The following AGBL1 variants were observed in gnomAD, a reference collection of about 807,000 sequenced individuals.
The protein encoded by AGBL1 is AGBL carboxypeptidase 1, also known as cytosolic carboxypeptidase 4.
A neutral mutation model predicts 118.9 loss-of-function variants in AGBL1; 130 were observed. That is an observed-to-expected ratio of 1.09 (90% CI 0.95 to 1.26). The LOEUF is 1.26. AGBL1 is among the 50% of genes most tolerant of loss of function. The probability of loss-of-function intolerance (pLI) is 0.00; values close to 1 mark genes in which losing one functional copy is unlikely to be tolerated. For synonymous variants in AGBL1, 555 were observed against 478.9 expected (o/e 1.16, Z -2.08); for missense variants, 1,584 against 1,298.1 (o/e 1.22, Z -3.38).
At chr15:86,082,561 G>A (rs1895356534) in intron 1 of AGBL1, among the ~76,000 whole-genome samples, 1 of 152,224 alleles carries the variant, frequency 6.6e-6, no homozygotes, top group Admixed American at 6.5e-5. Context: ...CCTGTGCTAT[G>A]TTTGTGGATG....
At chr15:86,825,887 GGATAGATAGATAGATAGATAGATAGATA>G (rs61494287) in intron 22 of AGBL1, among the ~76,000 whole-genome samples, 6 of 144,152 alleles carry the variant, frequency 4.2e-5, no homozygotes, top group African/African-American at 7.8e-5. Flanking sequence ...ATAGATGGAT[GGATAGATAGATAGATAGATAGATAGATA>G]GATAGATAGA....
chr15:86,523,470 G>A (rs895803187), intron 19 of AGBL1, among the ~76,000 whole-genome samples: 3 of 152,140 alleles, frequency 2.0e-5, no homozygotes, highest in African/African-American at 7.2e-5. Context: ...ACATTCACAA[G>A]TACCAGGGAT....
At chr15:86,989,195 C>T (rs192908750) in intron 24 of AGBL1, among the ~76,000 whole-genome samples, 75 of 151,952 alleles carry the variant, frequency 4.9e-4, no homozygotes, top group Middle Eastern at 3.4e-3. Flanking sequence ...GAGATAGGGT[C>T]TCACTATGTT....
intron 1 of AGBL1, among the ~76,000 whole-genome samples, chr15:86,119,456 A>C: frequency 6.6e-6 from 1 of 152,026 alleles, no homozygotes; most frequent in East Asian, 1.9e-4. Context: ...TGCTGAGTTC[A>C]GCAGGACACA....
chr15:87,008,380 G>C (rs2701410), intron 24 of AGBL1, among the ~76,000 whole-genome samples: 94,971 of 152,004 alleles, frequency 0.62, 30,238 homozygotes, highest in South Asian at 0.75. Context: ...TTAATTGCCA[G>C]CATCCATGTA....
intron 18 of AGBL1, among the ~76,000 whole-genome samples, chr15:86,494,219 T>A (rs2082818928): frequency 6.6e-6 from 1 of 152,106 alleles, no homozygotes; most frequent in African/African-American, 2.4e-5. Flanking sequence ...GTGGTTAATA[T>A]GAGGCATGGT....
chr15:86,306,780 C>A (rs1388369868), intron 17 of AGBL1, among the ~76,000 whole-genome samples: 1 of 152,112 alleles, frequency 6.6e-6, no homozygotes, highest in East Asian at 1.9e-4. Flanking sequence ...TACATTCCCA[C>A]AACAGTGTGC....
At chr15:86,228,640 C>T (rs1015175667) in intron 6 of AGBL1, among the ~76,000 whole-genome samples, 1 of 152,180 alleles carries the variant, frequency 6.6e-6, no homozygotes, top group African/African-American at 2.4e-5. Flanking sequence ...GACTTGGAGT[C>T]TACCCACAGT....
chr15:87,027,722 G>A, intron 24 of AGBL1, among the ~76,000 whole-genome samples: 1 of 152,006 alleles, frequency 6.6e-6, no homozygotes, highest in East Asian at 1.9e-4. Flanking sequence ...AGGAGATTAT[G>A]TCATTTGCAG....
chr15:86,103,053 A>G (rs1896829444), intron 1 of AGBL1, among the ~76,000 whole-genome samples: 1 of 151,946 alleles, frequency 6.6e-6, no homozygotes, highest in African/African-American at 2.4e-5. Context: ...ACCTGTTTTC[A>G]AGCACTGAAA....
chr15:86,397,864 G>A (rs977826642), intron 18 of AGBL1, among the ~76,000 whole-genome samples: 7 of 152,024 alleles, frequency 4.6e-5, no homozygotes, highest in Admixed American at 3.9e-4. Context: ...AGAATCACAG[G>A]CAATTAATAG....
intron 24 of AGBL1, among the ~76,000 whole-genome samples, chr15:87,027,829 C>A (rs1371995710): frequency 6.6e-6 from 1 of 151,914 alleles, no homozygotes; most frequent in African/African-American, 2.4e-5. Context: ...GGGAGCTGAA[C>A]TTTGAGAACA....
chr15:86,331,051 C>T (rs542324768), intron 17 of AGBL1, among the ~76,000 whole-genome samples: 3 of 152,084 alleles, frequency 2.0e-5, no homozygotes, highest in Admixed American at 6.5e-5. Context: ...TGGTGAAACC[C>T]TGTCTCTAGT....
At chr15:87,022,414 G>C (rs1027602330) in intron 24 of AGBL1, among the ~76,000 whole-genome samples, 3 of 152,160 alleles carry the variant, frequency 2.0e-5, no homozygotes, top group South Asian at 2.1e-4. Flanking sequence ...AAAGAAAAAA[G>C]AGTAAGAAAA....
chr15:86,745,046 G>T (rs538142876), intron 22 of AGBL1, among the ~76,000 whole-genome samples: 1 of 152,106 alleles, frequency 6.6e-6, no homozygotes, highest in African/African-American at 2.4e-5. Context: ...CAAGGTAATA[G>T]AGTATGTCTT....
At chr15:86,361,677 G>T (rs533565109) in intron 17 of AGBL1, among the ~76,000 whole-genome samples, 1 of 151,906 alleles carries the variant, frequency 6.6e-6, no homozygotes, top group Non-Finnish European at 1.5e-5. Flanking sequence ...CTATTGAATG[G>T]ATCTTTTTGT....
At chr15:86,928,221 G>A (rs546698899) in intron 23 of AGBL1, among the ~76,000 whole-genome samples, 1 of 152,294 alleles carries the variant, frequency 6.6e-6, no homozygotes, top group South Asian at 2.1e-4. Context: ...AGGATGCTGA[G>A]CCCTTGGGCT....
chr15:86,715,056 C>A (rs1596397886), intron 22 of AGBL1, among the ~76,000 whole-genome samples: 1 of 152,332 alleles, frequency 6.6e-6, no homozygotes, highest in East Asian at 1.9e-4. Context: ...GCCCCCAGCA[C>A]TTTTGCTGGC....
intron 6 of AGBL1, among the ~76,000 whole-genome samples, chr15:86,240,694 T>C (rs1197131758): frequency 6.6e-6 from 1 of 152,084 alleles, no homozygotes; most frequent in Non-Finnish European, 1.5e-5. Flanking sequence ...AAAAGACGAG[T>C]TGAATTGTCA....
Sources: gnomAD v4.1 joint callset for allele counts (sites outside exome capture counted in the v4.1 genomes callset) on GRCh38, gnomAD v4.1.1 for gene constraint, MANE v1.5 for transcripts, NCBI Gene and HGNC (gene_info 2026-07-23, HGNC 2026-07-21) for gene names.